Variants in ZNF581 observed in about 807,000 individuals in gnomAD.
ZNF581 encodes the protein zinc finger protein 581.
ZNF581 carries 1 observed loss-of-function variant against 1.2 expected under a neutral mutation model. The ratio of observed to expected loss-of-function variants is 0.83; its 90% CI spans 0.30 to 3.95. The LOEUF is 3.95. Ranked by LOEUF, ZNF581 falls within the 30% of genes most tolerant of loss-of-function variation. ZNF581 has a pLI of 0.18. For missense variants in ZNF581, 273 were observed against 274.6 expected (o/e 0.99, Z 0.04); for synonymous variants, 105 against 109.2 (o/e 0.96, Z 0.24).
Position 55,644,543 on chromosome 19 carries a change from C to A in ZNF581, c.-19-10C>A. ...TATATAACCTTCTTATCCCATCTCC[C>A]ATCCACCAGGCCTCAGCCAGCCCTC... On this transcript the variant is annotated splice_polypyrimidine_tract_variant and intron_variant, in intron 1 of 1. Coordinates refer to ENST00000270451, the MANE Select transcript of ZNF581 (RefSeq NM_016535.4). The surrounding 1 kb of genome is among the most constrained non-coding windows in gnomAD (Gnocchi z 4.3). 1 of 1,518,928 alleles carries A rather than the reference C, an allele frequency of 6.6e-7. No individual in the cohort carries two copies. Among genetic ancestry groups the A allele is most frequent in the East Asian group, 2.4e-5 (1 of 42,440 alleles). 94.1% of individuals were successfully genotyped at this position (1,518,928 alleles called of 1,614,324 possible).
At chr19:55,642,620 A>G (rs1367937171), upstream of ZNF581, 3 of 1,419,764 alleles carry the variant, frequency 2.1e-6, no homozygotes, top group Non-Finnish European at 9.2e-7. Context: ...CCCCTCCTCC[A>G]CTCCTTCCTC....
At position 55,644,793 on chromosome 19, in the gene ZNF581, G is replaced by A. The variant is rs1433739299; in HGVS notation, c.222G>A (p.Glu74=). Residue 74 remains glutamate (E), a synonymous_variant, in exon 2 of 2, where the codon GAG becomes GAA. Transcript: ENST00000270451. The surrounding 1 kb of genome is among the most constrained non-coding windows in gnomAD (Gnocchi z 4.3). The part of the protein sequence containing the change: ...TVLVDEESQR[E]PGASGAPGQK... ...TGGTGGACGAGGAGTCACAGAGGGAGCCAGGGGCCAGTGGGGCTCCAGGCC... is the reference window on the plus strand; with the variant it reads ...TGGTGGACGAGGAGTCACAGAGGGAACCAGGGGCCAGTGGGGCTCCAGGCC... The A allele has an allele frequency of 6.2e-7, 1 of 1,613,190 alleles. No homozygotes were observed. Among genetic ancestry groups the A allele is most frequent in the Admixed American group, 1.7e-5 (1 of 59,980 alleles).
chr19:55,644,456 G>A lies in ZNF581; in HGVS notation c.-19-97G>A. 1 of 749,612 alleles carries A rather than the reference G, an allele frequency of 1.3e-6. No individual in the cohort carries two copies. The highest frequency in any genetic ancestry group is 2.1e-6 in the Non-Finnish European group (1 of 471,174). 46.4% of individuals were successfully genotyped at this position (749,612 alleles called of 1,614,324 possible). A position where few individuals can be genotyped will look rare whatever the true frequency, so the allele number is the denominator to read the frequency against. On this transcript the variant is annotated intron_variant, in intron 1 of 1. Coordinates refer to ENST00000270451, the MANE Select transcript of ZNF581 (RefSeq NM_016535.4). The surrounding 1 kb of genome is among the most constrained non-coding windows in gnomAD (Gnocchi z 4.3). ...GGACTGAGGGGCAGCAGGATGCAGA[G>A]GTCCTGGGCCGGGTATAGGGAGGGA... is the stretch of plus-strand genomic sequence containing the variant.
At chr19:55,643,332 G>T, upstream of ZNF581, 1 of 360,578 alleles carries the variant, frequency 2.8e-6, no homozygotes, top group South Asian at 1.4e-4. Context: ...TTGGTTTTCT[G>T]CTCTCTGGAG....
upstream of ZNF581, chr19:55,642,385 C>T (rs990048983): frequency 1.5e-6 from 2 of 1,303,772 alleles, no homozygotes; most frequent in African/African-American, 3.2e-5. Context: ...GGGAGGTAGT[C>T]AGTGGCGCAC....
At chr19:55,637,085 G>T (rs1982136852), upstream of ZNF581, among the ~76,000 whole-genome samples, 1 of 152,134 alleles carries the variant, frequency 6.6e-6, no homozygotes, top group African/African-American at 2.4e-5. Flanking sequence ...TGGGTAGTTG[G>T]GACTGTAGGC....
At position 55,644,982 on chromosome 19, in the gene ZNF581, C is replaced by T. The variant is rs150692994; in HGVS notation, c.411C>T (p.His137=). The change falls in exon 2 of 2, where the codon CAC becomes CAT. Residue 137 remains histidine (H), a synonymous_variant. Transcript: ENST00000270451. This position sits in a 1 kb window ranked among gnomAD's most constrained non-coding sequence, Gnocchi z 4.3. Reference sequence around the variant, plus strand: ...ACTTGGCACGGCACCATTCCATTCACCTGGCGGGTGGTGGGCGGCCCCACG... The same window carrying T: ...ACTTGGCACGGCACCATTCCATTCATCTGGCGGGTGGTGGGCGGCCCCACG... The part of the protein sequence containing the change: ...ASHLARHHSI[H]LAGGGRPHGC... The T allele has an allele frequency of 2.5e-3, 4,023 of 1,606,166 alleles. 59 individuals carry two copies. The African/African-American group carries it at 0.028, about 11-fold the overall frequency.
upstream of ZNF581, chr19:55,642,502 G>T (rs310475): frequency 1.4e-6 from 2 of 1,423,072 alleles, no homozygotes; most frequent in Non-Finnish European, 1.8e-6. Flanking sequence ...CCCAGCTGCC[G>T]CTCCAGATGC....
chr19:55,637,913 ATTG>A (rs1165413686), upstream of ZNF581, among the ~76,000 whole-genome samples: 2 of 151,858 alleles, frequency 1.3e-5, no homozygotes, highest in African/African-American at 2.4e-5. Flanking sequence ...AATGTTGCTT[ATTG>A]TTGTCATTAT....
upstream of ZNF581, chr19:55,642,878 G>T (rs1982612302): frequency 1.3e-6 from 2 of 1,564,456 alleles, no homozygotes; most frequent in East Asian, 2.4e-5. Flanking sequence ...CACGTGCGGC[G>T]CCTGCGGCAA....
At chr19:55,640,947 G>T, upstream of ZNF581, 1 of 985,346 alleles carries the variant, frequency 1.0e-6, no homozygotes, top group Non-Finnish European at 1.2e-6. Context: ...AGGGGTGGGA[G>T]CGCCGGCTCC....
chr19:55,643,117 G>C, upstream of ZNF581: 1 of 1,303,602 alleles, frequency 7.7e-7, no homozygotes, highest in Middle Eastern at 2.9e-4. Flanking sequence ...ACACCCCCTG[G>C]CTCTGCTGAG....
upstream of ZNF581, chr19:55,642,601 G>A: frequency 1.4e-6 from 2 of 1,449,036 alleles, no homozygotes; most frequent in African/African-American, 3.0e-5. Flanking sequence ...CTTTCCCCAA[G>A]GCGGAAGGCC....
At chr19:55,642,991 C>T, upstream of ZNF581, 4 of 1,369,734 alleles carry the variant, frequency 2.9e-6, no homozygotes, top group Non-Finnish European at 2.8e-6. Flanking sequence ...GCTTCCAGGA[C>T]GCCGCGGAGC....
chr19:55,642,986 C>G, upstream of ZNF581: 1 of 1,373,752 alleles, frequency 7.3e-7, no homozygotes, highest in East Asian at 3.0e-5. Context: ...ACGCCGCTTC[C>G]AGGACGCCGC....
chr19:55,642,602 G>A (rs747824433), upstream of ZNF581: 5 of 1,452,632 alleles, frequency 3.4e-6, no homozygotes, highest in Admixed American at 1.3e-4. Flanking sequence ...TTTCCCCAAG[G>A]CGGAAGGCCC....
upstream of ZNF581, among the ~76,000 whole-genome samples, chr19:55,638,773 G>A (rs1982247606): frequency 6.6e-6 from 1 of 152,064 alleles, no homozygotes; most frequent in African/African-American, 2.4e-5. Context: ...TGGATCACCT[G>A]AGGTCAGGAG....
chr19:55,640,339 C>T, upstream of ZNF581: 5 of 985,146 alleles, frequency 5.1e-6, no homozygotes, highest in Non-Finnish European at 6.0e-6. Flanking sequence ...AGCCCGCGAG[C>T]CCGCATCAGG....
chr19:55,642,930 C>T (rs1982618562), upstream of ZNF581: 1 of 1,471,514 alleles, frequency 6.8e-7, no homozygotes, highest in Non-Finnish European at 9.0e-7. Flanking sequence ...CATCGCGCCA[C>T]GCACCGCGCC....
Sources: allele counts gnomAD v4.1 joint callset (sites outside exome capture counted in the v4.1 genomes callset), GRCh38; gene constraint gnomAD v4.1.1; non-coding constraint Gnocchi (gnomAD v3.1); transcripts MANE v1.5; gene names NCBI Gene and HGNC (gene_info 2026-07-23, HGNC 2026-07-21).